SLC30A8: variants seen among roughly 807,000 people sequenced by gnomAD.
SLC30A8 encodes the protein proton-coupled zinc antiporter SLC30A8.
SLC30A8 carries 27 observed loss-of-function variants against 36.9 expected under a neutral mutation model. That is an observed-to-expected ratio of 0.73 (90% CI 0.54 to 1.01). The LOEUF is 1.01. Among genes scored for constraint, SLC30A8 ranks in the 50% least tolerant of loss-of-function variants. The pLI is 0.00. For synonymous variants in SLC30A8, 164 were observed against 172.4 expected, an observed-to-expected ratio of 0.95 and a Z score of 0.38; for missense variants, 439 against 452.0, an observed-to-expected ratio of 0.97 and a Z score of 0.26.
intron 2 of SLC30A8, among the ~76,000 whole-genome samples, chr8:117,090,516 G>A (rs34488641): frequency 0.1 from 15,668 of 152,180 alleles, 949 homozygotes; most frequent in East Asian, 0.14. Context: ...GTTGTCTAGT[G>A]AGATCTTGCT....
At chr8:116,986,323 G>A (rs977485350) in intron 1 of SLC30A8, among the ~76,000 whole-genome samples, 2 of 152,096 alleles carry the variant, frequency 1.3e-5, no homozygotes, top group African/African-American at 4.8e-5. Flanking sequence ...TAGGAGAGTG[G>A]GAGAGAACTG....
chr8:117,006,450 A>C (rs543353776), intron 1 of SLC30A8, among the ~76,000 whole-genome samples: 1 of 152,034 alleles, frequency 6.6e-6, no homozygotes, highest in Non-Finnish European at 1.5e-5. Context: ...TGTTTCTTTT[A>C]TTTTACCAGG....
intron 2 of SLC30A8, among the ~76,000 whole-genome samples, chr8:117,103,810 GT>G (rs1362898968): frequency 6.6e-6 from 1 of 152,090 alleles, no homozygotes; most frequent in Non-Finnish European, 1.5e-5. Flanking sequence ...CTATCAGCCT[GT>G]TTCCTGCCTG....
At chr8:117,162,035 C>A in intron 5 of SLC30A8, 147 bp downstream of exon 5, 2 of 619,530 alleles carry the variant, frequency 3.2e-6, no homozygotes, top group South Asian at 2.9e-5. Context: ...AAACACTCAA[C>A]CATGGTGTTA....
At chr8:117,004,658 C>T (rs532551567) in intron 1 of SLC30A8, among the ~76,000 whole-genome samples, 5 of 152,156 alleles carry the variant, frequency 3.3e-5, no homozygotes, top group African/African-American at 1.2e-4. Flanking sequence ...TAGATTGGAA[C>T]GTTATCTTTA....
intron 2 of SLC30A8, among the ~76,000 whole-genome samples, chr8:117,067,497 C>A (rs2130793860): frequency 6.6e-6 from 1 of 152,162 alleles, no homozygotes; most frequent in South Asian, 2.1e-4. Flanking sequence ...CCTTCTAATT[C>A]AACTCTTCAA....
intron 7 of SLC30A8, 104 bp from the exon 8 acceptor site, chr8:117,172,432 C>G (rs878977448): frequency 6.7e-7 from 1 of 1,495,316 alleles, no homozygotes; most frequent in Non-Finnish European, 9.3e-7. Context: ...CCTGCCTCTG[C>G]CCCACCCCAG....
chr8:117,019,608 A>G (rs1816637910), intron 1 of SLC30A8, among the ~76,000 whole-genome samples: 1 of 152,158 alleles, frequency 6.6e-6, no homozygotes. Context: ...TTCCTTCTTG[A>G]GGGCAAGAAA....
rs1268724109 is a variant in SLC30A8 at position 117,175,028 on chromosome 8, A to AAGTT, written c.*2351_*2354dup. 2.6e-5 allele frequency: 4 copies of AAGTT among 152,132 alleles called. No individual in the cohort carries two copies. Among genetic ancestry groups the AAGTT allele is most frequent in the Admixed American group, 2.6e-4 (4 of 15,252 alleles). 9.4% of individuals were successfully genotyped at this position (152,132 alleles called of 1,614,324 possible). A position where few individuals can be genotyped will look rare whatever the true frequency, so the allele number is the denominator to read the frequency against. ...TGTGGTCAGAACTCCAGGTCACTGGAAGTTAGTGGAATCATGTAGTTGAAT... is the reference window on the plus strand; with the variant it reads ...TGTGGTCAGAACTCCAGGTCACTGGAAGTTAGTTAGTGGAATCATGTAGTTGAAT... On this transcript the variant is annotated 3_prime_UTR_variant, in exon 8 of 8. Transcript: ENST00000456015.
chr8:116,993,701 T>G (rs1265812797), intron 1 of SLC30A8, among the ~76,000 whole-genome samples: 1 of 151,938 alleles, frequency 6.6e-6, no homozygotes, highest in Non-Finnish European at 1.5e-5. Flanking sequence ...AAACACAGTA[T>G]CTAAAATTGA....
chr8:116,951,491 A>G (rs1180804977), intron 1 of SLC30A8, among the ~76,000 whole-genome samples: 1 of 152,116 alleles, frequency 6.6e-6, no homozygotes, highest in Non-Finnish European at 1.5e-5. Flanking sequence ...CTTGTAGCAC[A>G]TCCGATGTAA....
At chr8:117,067,212 T>C (rs2130793509) in intron 2 of SLC30A8, among the ~76,000 whole-genome samples, 1 of 152,080 alleles carries the variant, frequency 6.6e-6, no homozygotes, top group East Asian at 1.9e-4. Flanking sequence ...TCACCACACG[T>C]AGGGATTATG....
intron 1 of SLC30A8, among the ~76,000 whole-genome samples, chr8:116,990,659 C>G (rs1198867472): frequency 2.6e-5 from 4 of 152,086 alleles, no homozygotes; most frequent in Non-Finnish European, 5.9e-5. Context: ...GGAAAGAGAA[C>G]ATTTGTGGAA....
chr8:117,026,530 C>G (rs1161117032), intron 1 of SLC30A8, among the ~76,000 whole-genome samples: 2 of 152,140 alleles, frequency 1.3e-5, no homozygotes, highest in African/African-American at 4.8e-5. Flanking sequence ...ACATGATACC[C>G]TCTCCCATAG....
intron 1 of SLC30A8, among the ~76,000 whole-genome samples, chr8:117,001,215 T>TTTTTTTTTTTTTG (rs1816000647): frequency 6.6e-6 from 1 of 150,624 alleles, no homozygotes; most frequent in Non-Finnish European, 1.5e-5. Flanking sequence ...TTTTTTTTTT[T>TTTTTTTTTTTTTG]TTTTTTTTTT....
intron 1 of SLC30A8, among the ~76,000 whole-genome samples, chr8:117,143,387 C>T (rs1472670589): frequency 6.6e-6 from 1 of 152,092 alleles, no homozygotes; most frequent in Non-Finnish European, 1.5e-5. Flanking sequence ...TATTTGAATG[C>T]ATGGGAATCT....
intron 1 of SLC30A8, among the ~76,000 whole-genome samples, chr8:117,016,809 C>A (rs1174336106): frequency 6.6e-6 from 1 of 152,144 alleles, no homozygotes; most frequent in Non-Finnish European, 1.5e-5. Context: ...AATAGTGATT[C>A]TTTCTCCATT....
chr8:117,147,931 T>G (rs975869540), intron 2 of SLC30A8, among the ~76,000 whole-genome samples: 2 of 152,178 alleles, frequency 1.3e-5, no homozygotes, highest in African/African-American at 4.8e-5. Context: ...CATTTTCTCC[T>G]TGTCTCTTAA....
intron 1 of SLC30A8, among the ~76,000 whole-genome samples, chr8:116,976,099 T>C (rs1004578066): frequency 6.6e-6 from 1 of 152,164 alleles, no homozygotes; most frequent in Non-Finnish European, 1.5e-5. Context: ...TCAGTGAAGC[T>C]GGTAAATGTT....
Sources: gnomAD v4.1 joint callset for allele counts (sites outside exome capture counted in the v4.1 genomes callset) on GRCh38, gnomAD v4.1.1 for gene constraint, MANE v1.5 for transcripts, NCBI Gene and HGNC (gene_info 2026-07-23, HGNC 2026-07-21) for gene names.